C4orf50: variants seen among roughly 807,000 people sequenced by gnomAD.
C4orf50 encodes the protein chromosome 4 open reading frame 50.
A neutral mutation model predicts 77.2 loss-of-function variants in C4orf50; 80 were observed. The observed-to-expected ratio is 1.04, with a 90% CI of 0.87 to 1.25. C4orf50 has a LOEUF of 1.25. Ranked by LOEUF, C4orf50 falls within the 50% of genes most tolerant of loss-of-function variation. C4orf50 has a pLI of 0.00. For missense variants in C4orf50, 1,257 were observed against 1,152.9 expected, an observed-to-expected ratio of 1.09 and a Z score of -1.31; for synonymous variants, 532 against 465.3, an observed-to-expected ratio of 1.14 and a Z score of -1.84.
chr4:5,955,803 C>G (rs1416584876), downstream of C4orf50, among the ~76,000 whole-genome samples: 6 of 152,144 alleles, frequency 3.9e-5, no homozygotes, highest in Admixed American at 3.3e-4. This position sits in a 1 kb window ranked among gnomAD's most constrained non-coding sequence, Gnocchi z 5.1. Context: ...TAACTCCCAC[C>G]TCCCCCACTC....
intron 33 of C4orf50, among the ~76,000 whole-genome samples, chr4:5,961,693 G>A (rs2108764283): frequency 6.6e-6 from 1 of 152,356 alleles, no homozygotes; most frequent in South Asian, 2.1e-4. Flanking sequence ...CAGGGATGTA[G>A]TGTTGGATCT....
chr4:5,927,795 C>T (rs66791722), intron 7 of C4orf50, among the ~76,000 whole-genome samples: 65,524 of 151,978 alleles, frequency 0.43, 14,767 homozygotes, highest in African/African-American at 0.54. Flanking sequence ...TCAGGTAGTA[C>T]CTTTAACAGC....
At chr4:6,003,226 C>T (rs1721915829) in intron 25 of C4orf50, among the ~76,000 whole-genome samples, 1 of 152,226 alleles carries the variant, frequency 6.6e-6, no homozygotes. Flanking sequence ...ACATGTTGGC[C>T]TGAGCTCCCA....
At chr4:5,962,081 C>T (rs762657228) in intron 33 of C4orf50, among the ~76,000 whole-genome samples, 2 of 152,180 alleles carry the variant, frequency 1.3e-5, no homozygotes, top group Non-Finnish European at 2.9e-5. Flanking sequence ...AAGACTGCAG[C>T]GAAAATGCAG....
chr4:6,005,702 T>C (rs1722221377), intron 25 of C4orf50, among the ~76,000 whole-genome samples: 1 of 152,190 alleles, frequency 6.6e-6, no homozygotes, highest in African/African-American at 2.4e-5. Context: ...AAGGATTACA[T>C]GAGAAAACAG....
At chr4:5,969,899 G>A (rs1719804307) in intron 31 of C4orf50, among the ~76,000 whole-genome samples, 1 of 152,070 alleles carries the variant, frequency 6.6e-6, no homozygotes, top group Non-Finnish European at 1.5e-5. Context: ...TCTCTGACGG[G>A]ACCTTCCATC....
chr4:5,991,400 T>A (rs1202814242), intron 27 of C4orf50, among the ~76,000 whole-genome samples: 2 of 152,200 alleles, frequency 1.3e-5, no homozygotes, highest in African/African-American at 4.8e-5. Flanking sequence ...ATGGGGCTGG[T>A]GCAGGTGGTC....
At chr4:5,939,344 C>T (rs6824373) in intron 7 of C4orf50, among the ~76,000 whole-genome samples, 37,741 of 152,128 alleles carry the variant, frequency 0.25, 6,239 homozygotes, top group African/African-American at 0.47. Flanking sequence ...TCACTGTCCC[C>T]TCTCCATTAG....
chr4:5,980,234 G>A (rs112022224), exon 29 of C4orf50: 43 of 1,611,640 alleles, frequency 2.7e-5, no homozygotes, highest in African/African-American at 8.0e-5. Flanking sequence ...GGTGGGCAGC[G>A]CCCTGGTCCC....
chr4:5,909,703 T>C (rs1461111808), intron 7 of C4orf50, among the ~76,000 whole-genome samples: 1 of 152,252 alleles, frequency 6.6e-6, no homozygotes, highest in Admixed American at 6.5e-5. Context: ...GATAGGGGTC[T>C]AGTTTCAATC....
chr4:5,966,902 C>T (rs1180738559), intron 32 of C4orf50, among the ~76,000 whole-genome samples: 2 of 152,156 alleles, frequency 1.3e-5, no homozygotes, highest in Non-Finnish European at 2.9e-5. Context: ...CCTGCCTCGG[C>T]CCCCCAAAGT....
At position 5,984,109 on chromosome 4, in the gene C4orf50, G is replaced by C. The variant is rs561790559; in HGVS notation, c.3700-3771C>G. On this transcript the variant is annotated intron_variant, in intron 28 of 33. Coordinates refer to ENST00000531445, the Ensembl canonical transcript of C4orf50. ...CCTAAGAGCAAGGGCCTCACCTTAG[G>C]AGTAATATCAAGCCCTACTAGGTCT... Among the ~76,000 whole-genome samples the C allele has an allele frequency of 2.0e-5, 3 of 152,332 alleles. No homozygotes were observed. The East Asian group carries it at 5.8e-4, about 29-fold the overall frequency.
rs4396941 is a variant in C4orf50 at position 5,932,169 on chromosome 4, T to A, written c.*2474+24732A>T. On this transcript the variant is annotated intron_variant, in intron 7 of 7. Coordinates refer to the C4orf50 transcript ENST00000324058. The surrounding 1 kb of genome is among the most constrained non-coding windows in gnomAD (Gnocchi z 4.2). The stretch of plus-strand genomic sequence containing the variant: ...ACCTGCCAGGTGTAAACCCACTGGC[T>A]GGCTATCTTCACAGGCAGGTGAACC... Among the ~76,000 whole-genome samples the A allele has an allele frequency of 6.6e-6, 1 of 151,474 alleles. No homozygotes were observed. Among genetic ancestry groups the A allele is most frequent in the Non-Finnish European group, 1.5e-5 (1 of 67,930 alleles).
At chr4:5,929,501 A>G (rs1307251361) in intron 7 of C4orf50, among the ~76,000 whole-genome samples, 1 of 152,244 alleles carries the variant, frequency 6.6e-6, no homozygotes, top group East Asian at 1.9e-4. Flanking sequence ...TAAACCCAAG[A>G]GAACTGACTC....
At chr4:6,013,470 C>T (rs561518729) in intron 23 of C4orf50, among the ~76,000 whole-genome samples, 130 of 152,286 alleles carry the variant, frequency 8.5e-4, no homozygotes, top group African/African-American at 3.0e-3. Context: ...CAGAAAATGA[C>T]GAATTTCACT....
intron 25 of C4orf50, among the ~76,000 whole-genome samples, chr4:6,001,650 T>G (rs1219019287): frequency 6.6e-6 from 1 of 152,198 alleles, no homozygotes; most frequent in Non-Finnish European, 1.5e-5. Context: ...AGAGAGTCAG[T>G]GCTATCTTCC....
rs1560548286 is a variant in C4orf50 at position 5,932,197 on chromosome 4, G to A, written c.*2474+24704C>T. On this transcript the variant is annotated intron_variant, in intron 7 of 7. Coordinates refer to the C4orf50 transcript ENST00000324058. This position sits in a 1 kb window ranked among gnomAD's most constrained non-coding sequence, Gnocchi z 4.2. ...CTATCTTCACAGGCAGGTGAACCAT[G>A]CACACAGTTCTTGGCTGAATGCCCC... is the stretch of plus-strand genomic sequence containing the variant. Among the ~76,000 whole-genome samples the A allele has an allele frequency of 6.6e-6, 1 of 152,106 alleles. No individual in the cohort carries two copies. Among genetic ancestry groups the A allele is most frequent in the Non-Finnish European group, 1.5e-5 (1 of 68,018 alleles).
At chr4:5,986,994 A>G (rs1347108370) in intron 28 of C4orf50, among the ~76,000 whole-genome samples, 3 of 152,246 alleles carry the variant, frequency 2.0e-5, no homozygotes, top group African/African-American at 7.2e-5. Flanking sequence ...ATGCTTAGAG[A>G]GAAATTTATA....
In C4orf50 at chr4:5,932,662, G is replaced by C. The variant is rs542207984; in HGVS notation, c.*2474+24239C>G. On this transcript the variant is annotated intron_variant, in intron 7 of 7. Transcript: ENST00000324058. This position sits in a 1 kb window ranked among gnomAD's most constrained non-coding sequence, Gnocchi z 4.2. The stretch of plus-strand genomic sequence containing the variant: ...CCCCTGCCTTGCTCAGGCTGGTCTT[G>C]AACTCTTGGGCTCAGGCAATTCTCT... Among the ~76,000 whole-genome samples the C allele has an allele frequency of 1.3e-5, 2 of 152,192 alleles. No homozygotes were observed. Among genetic ancestry groups the C allele is most frequent in the Non-Finnish European group, 2.9e-5 (2 of 67,998 alleles).
Sources: allele counts gnomAD v4.1 joint callset (sites outside exome capture counted in the v4.1 genomes callset), GRCh38; gene constraint gnomAD v4.1.1; non-coding constraint Gnocchi (gnomAD v3.1); transcripts MANE v1.5; gene names NCBI Gene and HGNC (gene_info 2026-07-23, HGNC 2026-07-21).